ZNF813: variants seen among roughly 807,000 people sequenced by gnomAD.
ZNF813 encodes zinc finger protein 813.
A neutral mutation model predicts 7.2 loss-of-function variants in ZNF813; 3 were observed. That is an observed-to-expected ratio of 0.42 (90% CI 0.19 to 1.08). The LOEUF (loss-of-function observed/expected upper bound fraction) is 1.08, where lower values mean the gene tolerates loss of function less well. Ranked by LOEUF, ZNF813 falls within the 50% of genes least tolerant of loss-of-function variation. The pLI, the probability that ZNF813 is intolerant of heterozygous loss-of-function variation, is 0.30. For synonymous variants in ZNF813, 227 were observed against 256.3 expected, an observed-to-expected ratio of 0.89 and a Z score of 1.09; for missense variants, 714 against 753.3, an observed-to-expected ratio of 0.95 and a Z score of 0.61.
rs922655905 is a variant in ZNF813 at position 53,469,922 on chromosome 19, A to T, written c.-74+2133A>T. Reference sequence around the variant, plus strand: ...GGGGAGACAGAAGGATGTTTACTTAAGGTACGCACCGGCTCAGTGGATTTA... The same window carrying T: ...GGGGAGACAGAAGGATGTTTACTTATGGTACGCACCGGCTCAGTGGATTTA... On this transcript the variant is annotated intron_variant, in intron 1 of 3. Coordinates refer to ENST00000396403, the MANE Select transcript of ZNF813 (RefSeq NM_001004301.4). Among the ~76,000 whole-genome samples the T allele has an allele frequency of 2.9e-4, 44 of 151,770 alleles. 1 individual carries two copies. The highest frequency in any genetic ancestry group is 2.8e-3 in the Admixed American group (42 of 15,182).
chr19:53,470,761 C>T, intron 1 of ZNF813, among the ~76,000 whole-genome samples: 1 of 151,294 alleles, frequency 6.6e-6, no homozygotes, highest in East Asian at 1.9e-4. Context: ...AACAGCCTTC[C>T]TATTGTCATT....
Position 53,495,993 on chromosome 19 carries a change from G to T in ZNF813, c.*3907G>T, listed in dbSNP as rs58697128. 2 of 375,622 alleles carry T rather than the reference G, an allele frequency of 5.3e-6. No individual in the cohort carries two copies. The highest frequency in any genetic ancestry group is 1.0e-5 in the Non-Finnish European group (2 of 193,652). The allele number at this position is 375,622 out of a possible 1,614,324, so 23.3% of individuals were successfully genotyped here. A position where few individuals can be genotyped will look rare whatever the true frequency, so the allele number is the denominator to read the frequency against. On this transcript the variant is annotated 3_prime_UTR_variant, in exon 4 of 4. Transcript: ENST00000396403. ...CAAAACTGGTAATAAAATCAGGTACGACTCCAAAAGGAGACATTGGAGAAG... is the reference window on the plus strand; with the variant it reads ...CAAAACTGGTAATAAAATCAGGTACTACTCCAAAAGGAGACATTGGAGAAG...
chr19:53,490,615 A>G lies in ZNF813; in HGVS notation c.383A>G (p.Gln128Arg). ...KLTGSADRYD[Q>R]RHAGNKPIKD... ...ACTGGTAGTGCAGACCGATATGATC[A>G]AAGGCATGCTGGAAACAAGCCTATT... The change falls in exon 4 of 4, where the codon CAA (glutamine) becomes CGA (arginine). Residue 128 changes from glutamine to arginine, a missense_variant. Gln to Arg is a conservative substitution (Grantham distance 43, BLOSUM62 1). Around this residue, in one of 3 missense-constraint regions of ZNF813, gnomAD observed 563 missense variants for 554.2 expected, o/e 1.02. Transcript: ENST00000396403. The G allele has an allele frequency of 6.2e-7, 1 of 1,614,232 alleles. No homozygotes were observed. The highest frequency in any genetic ancestry group is 8.5e-7 in the Non-Finnish European group (1 of 1,180,044).
Position 53,492,116 on chromosome 19 carries a change from T to C in ZNF813, c.*30T>C, listed in dbSNP as rs112314093. On this transcript the variant is annotated 3_prime_UTR_variant, in exon 4 of 4. Transcript: ENST00000396403. ...CAAAGCTTGCACATCATCATACAATTCATACTGGAAAGAAACAAGTGCAAT... is the reference window on the plus strand; with the variant it reads ...CAAAGCTTGCACATCATCATACAATCCATACTGGAAAGAAACAAGTGCAAT... 198 of 1,591,900 alleles carry C rather than the reference T, an allele frequency of 1.2e-4. No individual in the cohort carries two copies. In the African/African-American group the frequency reaches 1.5e-3, roughly 12 times the overall value.
chr19:53,468,729 A>G (rs2086340884), intron 1 of ZNF813, among the ~76,000 whole-genome samples: 1 of 152,308 alleles, frequency 6.6e-6, no homozygotes, highest in Admixed American at 6.5e-5. Flanking sequence ...CTGCCAGCAT[A>G]TCTCGCCTCC....
intron 2 of ZNF813, 75 bp from the exon 3 acceptor site, chr19:53,486,557 C>G (rs544937914): frequency 2.9e-5 from 47 of 1,611,268 alleles, no homozygotes; most frequent in Non-Finnish European, 3.7e-5. Context: ...GCTTTCCCCT[C>G]TCTCCTCTTC....
chr19:53,468,974 T>TG (rs1013624637), intron 1 of ZNF813, among the ~76,000 whole-genome samples: 1 of 120,598 alleles, frequency 8.3e-6, no homozygotes, highest in Non-Finnish European at 1.9e-5. Context: ...GCTGTCTCAG[T>TG]GGGGGGAAAC....
chr19:53,485,184 T>C (rs1247461201), intron 2 of ZNF813, among the ~76,000 whole-genome samples: 1 of 152,152 alleles, frequency 6.6e-6, no homozygotes, highest in Non-Finnish European at 1.5e-5. Context: ...TACAGATATC[T>C]GAAGATCCCT....
At chr19:53,479,767 A>G in intron 1 of ZNF813, 2 of 1,288,334 alleles carry the variant, frequency 1.6e-6, no homozygotes, top group Non-Finnish European at 2.2e-6. Flanking sequence ...GAGACATGGA[A>G]TGCACAGAAG....
At chr19:53,485,606 A>G (rs1431241086) in intron 2 of ZNF813, among the ~76,000 whole-genome samples, 1 of 151,356 alleles carries the variant, frequency 6.6e-6, no homozygotes, top group African/African-American at 2.4e-5. Context: ...CATGATATAT[A>G]TCGTGATATA....
chr19:53,488,303 G>A, intron 3 of ZNF813: 1 of 453,342 alleles, frequency 2.2e-6, no homozygotes, highest in South Asian at 1.6e-5. Context: ...GATTACAGGT[G>A]TGAACCACCG....
At chr19:53,468,919 C>T (rs1190129674) in intron 1 of ZNF813, among the ~76,000 whole-genome samples, 3 of 143,932 alleles carry the variant, frequency 2.1e-5, no homozygotes, top group Non-Finnish European at 4.6e-5. Flanking sequence ...GGGTGTCCGG[C>T]TGGGGGATGT....
intron 2 of ZNF813, 145 bp downstream of exon 2, chr19:53,483,982 T>A: frequency 6.5e-7 from 1 of 1,548,938 alleles, no homozygotes; most frequent in Non-Finnish European, 8.9e-7. Context: ...GTCCCTCTTT[T>A]CTCACTTAGA....
chr19:53,484,464 C>A (rs544846214), intron 2 of ZNF813, among the ~76,000 whole-genome samples: 2 of 152,170 alleles, frequency 1.3e-5, no homozygotes, highest in East Asian at 3.8e-4. Context: ...TAGCACATTA[C>A]GCTCATGGAG....
chr19:53,479,604 G>A, intron 1 of ZNF813: 1 of 1,209,234 alleles, frequency 8.3e-7, no homozygotes, highest in East Asian at 2.4e-5. Flanking sequence ...CTGCTGATGA[G>A]AGTGAGAGAG....
chr19:53,490,648 A>G lies in ZNF813; in HGVS notation c.416A>G (p.Gln139Arg). The change falls in exon 4 of 4, where the codon CAG becomes CGG. Residue 139 changes from glutamine to arginine, a missense_variant. Coordinates refer to ENST00000396403, the MANE Select transcript of ZNF813 (RefSeq NM_001004301.4). ...GCTGGAAACAAGCCTATTAAAGATC[A>G]GCTTGGATCAAGCTTTCATTCGCAT... ...RHAGNKPIKD[Q>R]LGSSFHSHLP... is the part of the protein sequence containing the mutation. 1 of 1,614,228 alleles carries G rather than the reference A, an allele frequency of 6.2e-7. No individual in the cohort carries two copies. Among genetic ancestry groups the G allele is most frequent in the South Asian group, 1.1e-5 (1 of 91,082 alleles).
intron 1 of ZNF813, among the ~76,000 whole-genome samples, 188 bp from the exon 2 acceptor site, chr19:53,483,562 C>T (rs1435807184): frequency 6.6e-6 from 1 of 152,164 alleles, no homozygotes; most frequent in East Asian, 1.9e-4. Flanking sequence ...CCCACTGCTG[C>T]AGCGTGTGTG....
chr19:53,471,020 C>T (rs144705518), intron 1 of ZNF813, among the ~76,000 whole-genome samples: 44 of 152,284 alleles, frequency 2.9e-4, no homozygotes, highest in African/African-American at 9.6e-4. Flanking sequence ...GCCCAGGTAG[C>T]TGGCCTAGAG....
At chr19:53,490,147 A>C (rs1397054225) in intron 3 of ZNF813, among the ~76,000 whole-genome samples, 1 of 152,208 alleles carries the variant, frequency 6.6e-6, no homozygotes, top group South Asian at 2.1e-4. Context: ...ACATTTGTGC[A>C]CTGTCAGTGT....
Sources: gnomAD v4.1 joint callset for allele counts (sites outside exome capture counted in the v4.1 genomes callset) on GRCh38, gnomAD v4.1.1 for gene constraint, gnomAD v4.1.1 regional missense constraint, MANE v1.5 for transcripts, NCBI Gene and HGNC (gene_info 2026-07-23, HGNC 2026-07-21) for gene names.